The following FHAD1 variants were observed in gnomAD, a reference collection of about 807,000 sequenced individuals.
FHAD1 encodes forkhead-associated domain-containing protein 1.
A neutral mutation model predicts 191.3 loss-of-function variants in FHAD1; 146 were observed. That is an observed-to-expected ratio of 0.76 (90% CI 0.67 to 0.88). FHAD1 has a LOEUF of 0.88. Ranked by LOEUF, FHAD1 falls within the 40% of genes least tolerant of loss-of-function variation. The pLI is 0.00. For synonymous variants in FHAD1, 616 were observed against 672.3 expected (o/e 0.92, Z 1.29); for missense variants, 1,635 against 1,785.8 (o/e 0.92, Z 1.52).
At chr1:15,353,918 T>C (rs901098740) in intron 20 of FHAD1, among the ~76,000 whole-genome samples, 1 of 152,124 alleles carries the variant, frequency 6.6e-6, no homozygotes, top group Non-Finnish European at 1.5e-5. Context: ...TGACCCTGTC[T>C]TGGGTACCTC....
chr1:15,262,908 T>C (rs1651738359), intron 2 of FHAD1, among the ~76,000 whole-genome samples: 1 of 152,248 alleles, frequency 6.6e-6, no homozygotes, highest in Non-Finnish European at 1.5e-5. Flanking sequence ...GGCTGCACTA[T>C]TTTACATTCC....
At position 15,365,710 on chromosome 1, in the gene FHAD1, G is replaced by A; in HGVS notation, c.3048-117G>A. 3.1e-6 allele frequency: 2 copies of A among 648,646 alleles called. 1 individual carries two copies. Among genetic ancestry groups the A allele is most frequent in the South Asian group, 3.8e-5 (2 of 52,916 alleles). The allele number at this position is 648,646 out of a possible 1,614,324, so 40.2% of individuals were successfully genotyped here. On this transcript the variant is annotated intron_variant, in intron 23 of 33. Transcript: ENST00000688493. ...CTGTCCTCATCCTTTGCTGGGACTG[G>A]CGTTGCATGGACCGTGATTGAGAAT...
intron 2 of FHAD1, among the ~76,000 whole-genome samples, chr1:15,267,216 A>AT (rs1036907930): frequency 8.0e-4 from 122 of 152,008 alleles, no homozygotes; most frequent in African/African-American, 2.9e-3. Flanking sequence ...ATATCTCCCC[A>AT]TTTTTTTTCT....
chr1:15,375,081 C>G (rs978690141), intron 27 of FHAD1, among the ~76,000 whole-genome samples: 17 of 152,076 alleles, frequency 1.1e-4, no homozygotes, highest in African/African-American at 4.1e-4. Context: ...TGGTCTTGAA[C>G]TCCTGACCTT....
intron 14 of FHAD1, among the ~76,000 whole-genome samples, chr1:15,333,869 G>C (rs373127399): frequency 2.1e-3 from 134 of 63,028 alleles, no homozygotes; most frequent in African/African-American, 7.7e-3. Flanking sequence ...GTCTTGCGTT[G>C]TTGCCCAGAC....
chr1:15,395,392 A>G (rs1705603593), intron 33 of FHAD1, among the ~76,000 whole-genome samples: 3 of 151,226 alleles, frequency 2.0e-5, no homozygotes, highest in Admixed American at 2.0e-4. Flanking sequence ...ACTCGGGCAC[A>G]CACACGTCTC....
At chr1:15,263,849 G>C (rs1376360678) in intron 2 of FHAD1, among the ~76,000 whole-genome samples, 2 of 152,130 alleles carry the variant, frequency 1.3e-5, no homozygotes, top group Non-Finnish European at 2.9e-5. Flanking sequence ...AATACATGTG[G>C]ATATCCAGTT....
At chr1:15,380,538 T>C (rs1300624411) in intron 28 of FHAD1, among the ~76,000 whole-genome samples, 163 bp from the exon 29 acceptor site, 1 of 152,156 alleles carries the variant, frequency 6.6e-6, no homozygotes, top group African/African-American at 2.4e-5. Context: ...AATACAATTA[T>C]AAGAAAGCAG....
At chr1:15,362,066 G>A (rs768100865) in intron 22 of FHAD1, among the ~76,000 whole-genome samples, 3 of 151,314 alleles carry the variant, frequency 2.0e-5, no homozygotes, top group Admixed American at 1.3e-4. Context: ...CAGGTCAGAG[G>A]GAGGGTGTTT....
intron 14 of FHAD1, chr1:15,335,345 G>T (rs1374853996): frequency 6.6e-6 from 1 of 152,170 alleles, no homozygotes; most frequent in Admixed American, 6.5e-5. Context: ...TCCGTCGTTT[G>T]TGTCTATTTC....
intron 16 of FHAD1, among the ~76,000 whole-genome samples, chr1:15,344,535 C>T (rs1365006312): frequency 2.0e-5 from 3 of 152,168 alleles, no homozygotes; most frequent in Non-Finnish European, 1.5e-5. Context: ...ATAGACAATA[C>T]ACAGCAAGCA....
chr1:15,364,000 T>A, intron 23 of FHAD1: 1 of 326,812 alleles, frequency 3.1e-6, no homozygotes, highest in Admixed American at 4.2e-5. Context: ...AGTTCCTGAC[T>A]CCTCCTCCTG....
At chr1:15,314,660 TGGTGTGGGGGTG>T (rs1673531034) in intron 8 of FHAD1, 1 of 50 alleles carries the variant, frequency 0.02, no homozygotes, top group African/African-American at 0.17. Flanking sequence ...TATGGATGTG[TGGTGTGGGGGTG>T]AATGGGTGTG....
intron 2 of FHAD1, among the ~76,000 whole-genome samples, chr1:15,268,050 T>C (rs1654313652): frequency 6.6e-6 from 1 of 151,264 alleles, no homozygotes; most frequent in Admixed American, 6.6e-5. Flanking sequence ...AATGTGCAGG[T>C]TAGTTACATA....
At chr1:15,379,793 C>T (rs574777106) in intron 28 of FHAD1, among the ~76,000 whole-genome samples, 1 of 152,330 alleles carries the variant, frequency 6.6e-6, no homozygotes, top group Admixed American at 6.5e-5. Flanking sequence ...CTTGCACAAC[C>T]CTTAATCCAT....
Position 15,308,834 on chromosome 1 carries a change from G to A in FHAD1, c.1039+98G>A, listed in dbSNP as rs540380444. On this transcript the variant is annotated intron_variant, in intron 7 of 33. Transcript: ENST00000688493. ...AATCAACCACATACTTTTTGTTACTGAACTTGGCTGCAGCCTCAGAGTTCT... is the reference window on the plus strand; with the variant it reads ...AATCAACCACATACTTTTTGTTACTAAACTTGGCTGCAGCCTCAGAGTTCT... 8.0e-6 allele frequency: 12 copies of A among 1,507,508 alleles called. No homozygotes were observed. In the South Asian group the frequency reaches 9.0e-5, roughly 11 times the overall value. The allele number at this position is 1,507,508 out of a possible 1,614,324, so 93.4% of individuals were successfully genotyped here.
rs34598860 is a variant in FHAD1 at position 15,256,645 on chromosome 1, CAAAAAAAAAAAAAAAA to C, written c.93+4780_93+4795del. ...CTGGGCCACAAAACAAGACTCTGTCCAAAAAAAAAAAAAAAAAAAAAAAAAAAGAGTGGAGAGCTGA... is the reference window on the plus strand; with the variant it reads ...CTGGGCCACAAAACAAGACTCTGTCCAAAAAAAAAAAGAGTGGAGAGCTGA... On this transcript the variant is annotated intron_variant, in intron 2 of 33. Transcript: ENST00000688493. Among the ~76,000 whole-genome samples, 116 of 71,292 alleles carry C rather than the reference CAAAAAAAAAAAAAAAA, an allele frequency of 1.6e-3. 4 individuals are homozygous for C. The Middle Eastern group carries it at 0.041, about 25-fold the overall frequency. The allele number at this position is 71,292 out of a possible 152,430, so 46.8% of individuals were successfully genotyped here.
rs1031974683 is a variant in FHAD1, at chr1:15,311,242, G to A, written c.1040-1815G>A. ...TGCTGGGTGGCGTGCCAGGCGGGAG[G>A]GGGCTGCACGGAGAGCACCCCGGAG... On this transcript the variant is annotated intron_variant, in intron 7 of 33. Coordinates refer to ENST00000688493, the MANE Select transcript of FHAD1 (RefSeq NM_001391957.1). This position sits in a 1 kb window ranked among gnomAD's most constrained non-coding sequence, Gnocchi z 4.1. Among the ~76,000 whole-genome samples, 7 of 152,248 alleles carry A rather than the reference G, an allele frequency of 4.6e-5. No individual in the cohort carries two copies. Among genetic ancestry groups the A allele is most frequent in the African/African-American group, 1.7e-4 (7 of 41,540 alleles).
chr1:15,371,233 GA>G (rs1368121924), intron 26 of FHAD1, among the ~76,000 whole-genome samples: 1 of 152,188 alleles, frequency 6.6e-6, no homozygotes, highest in African/African-American at 2.4e-5. Flanking sequence ...AGGGATAGGA[GA>G]AGACGCACAG....
Sources: gnomAD v4.1 joint callset for allele counts (sites outside exome capture counted in the v4.1 genomes callset) on GRCh38, gnomAD v4.1.1 for gene constraint, Gnocchi (gnomAD v3.1) non-coding constraint, MANE v1.5 for transcripts, NCBI Gene and HGNC (gene_info 2026-07-23, HGNC 2026-07-21) for gene names.